CCDC30: variants seen among roughly 807,000 people sequenced by gnomAD.
CCDC30 encodes the protein coiled-coil domain containing 30, also known as coiled-coil domain-containing protein 30.
In CCDC30, 70 loss-of-function variants were observed where a neutral mutation model predicts 100.2. The ratio of observed to expected loss-of-function variants is 0.70; its 90% CI spans 0.58 to 0.85. CCDC30 has a LOEUF of 0.85. CCDC30 is among the 40% of genes least tolerant of loss of function. The pLI, the probability that CCDC30 is intolerant of heterozygous loss-of-function variation, is 0.00. For synonymous variants in CCDC30, 233 were observed against 269.5 expected, an observed-to-expected ratio of 0.86 and a Z score of 1.33; for missense variants, 652 against 771.2, an observed-to-expected ratio of 0.85 and a Z score of 1.83.
chr1:42,525,388 T>C (rs1644708778), intron 6 of CCDC30, among the ~76,000 whole-genome samples: 1 of 152,222 alleles, frequency 6.6e-6, no homozygotes, highest in African/African-American at 2.4e-5. Context: ...CACTCATTTT[T>C]TTTCTGTAGT....
In CCDC30 at chr1:42,493,315, C is replaced by T. The variant is rs186377817; in HGVS notation, c.241+3086C>T. ...GTTAGAATCAACAAAAGTGGCTGAG[C>T]GCAGTGGCTCACGCCTGTAATCCCA... On this transcript the variant is annotated intron_variant, in intron 4 of 16. Coordinates refer to ENST00000668663, the Ensembl canonical transcript of CCDC30. Among the ~76,000 whole-genome samples, 9 of 152,098 alleles carry T rather than the reference C, an allele frequency of 5.9e-5. No individual in the cohort carries two copies. In the East Asian group the frequency reaches 1.4e-3, roughly 23 times the overall value.
intron 6 of CCDC30, among the ~76,000 whole-genome samples, chr1:42,547,726 C>T (rs1645172653): frequency 6.6e-6 from 1 of 152,142 alleles, no homozygotes; most frequent in Admixed American, 6.6e-5. Flanking sequence ...ACTTGTTTAT[C>T]TCCTATTCCC....
At chr1:42,646,094 C>G in intron 14 of CCDC30, 41 bp from the exon 19 acceptor site, 3 of 1,528,442 alleles carry the variant, frequency 2.0e-6, no homozygotes, top group Non-Finnish European at 1.8e-6. Context: ...CATCTTGATA[C>G]CTATTGAAAT....
At chr1:42,612,382 G>A (rs1264190671) in intron 11 of CCDC30, among the ~76,000 whole-genome samples, 1 of 152,166 alleles carries the variant, frequency 6.6e-6, no homozygotes, top group African/African-American at 2.4e-5. Flanking sequence ...TTCACAGCAA[G>A]GGGGCCAGAG....
chr1:42,538,588 A>G (rs1168982774), intron 6 of CCDC30, among the ~76,000 whole-genome samples: 1 of 152,178 alleles, frequency 6.6e-6, no homozygotes, highest in Non-Finnish European at 1.5e-5. Flanking sequence ...CCTGGGCAAC[A>G]TAGCGAGACC....
chr1:42,650,049 C>G (rs1299970002), intron 15 of CCDC30, among the ~76,000 whole-genome samples: 1 of 152,098 alleles, frequency 6.6e-6, no homozygotes, highest in Non-Finnish European at 1.5e-5. Flanking sequence ...AGTGCAATAC[C>G]TATCAAAATT....
chr1:42,630,602 G>T (rs139129328), intron 11 of CCDC30, among the ~76,000 whole-genome samples: 1 of 151,744 alleles, frequency 6.6e-6, no homozygotes, highest in East Asian at 2.0e-4. Context: ...GGCTGTTCTC[G>T]AACTCCTGAC....
intron 6 of CCDC30, among the ~76,000 whole-genome samples, chr1:42,543,768 A>G (rs2148531592): frequency 6.6e-6 from 1 of 152,346 alleles, no homozygotes; most frequent in East Asian, 1.9e-4. Context: ...TCCCCTAGAA[A>G]GGTTATAGTC....
chr1:42,592,314 G>A (rs904817814), intron 10 of CCDC30: 1 of 152,278 alleles, frequency 6.6e-6, no homozygotes, highest in Admixed American at 6.5e-5. Flanking sequence ...GGTTGGGTCT[G>A]AGGGGAGTGT....
chr1:42,456,176 A>G, the CCDC30 span: 1 of 640,780 alleles, frequency 1.6e-6, no homozygotes, highest in East Asian at 2.7e-5. Context: ...GGAAGAAAGA[A>G]AGAAAAAGCA....
intron 6 of CCDC30, among the ~76,000 whole-genome samples, chr1:42,511,990 C>T (rs1318543004): frequency 6.6e-6 from 1 of 152,122 alleles, no homozygotes; most frequent in Admixed American, 6.5e-5. Context: ...TATTTATTGA[C>T]AGTAAGCCAG....
chr1:42,595,822 C>G (rs1646276452), intron 10 of CCDC30, among the ~76,000 whole-genome samples: 1 of 152,152 alleles, frequency 6.6e-6, no homozygotes. Context: ...TGCACCTTGT[C>G]CATGAGCCCT....
At chr1:42,467,050 A>C (rs1643612909) in intron 1 of CCDC30, among the ~76,000 whole-genome samples, 1 of 152,210 alleles carries the variant, frequency 6.6e-6, no homozygotes, top group African/African-American at 2.4e-5. Context: ...AGTGACCTGA[A>C]TGTCAAAATT....
chr1:42,493,968 C>T (rs1348774287), intron 4 of CCDC30, among the ~76,000 whole-genome samples: 1 of 152,166 alleles, frequency 6.6e-6, no homozygotes, highest in Non-Finnish European at 1.5e-5. Context: ...AATCCCAGCA[C>T]TTTGGGAGGC....
intron 6 of CCDC30, among the ~76,000 whole-genome samples, chr1:42,536,099 G>A: frequency 6.6e-6 from 1 of 151,976 alleles, no homozygotes; most frequent in East Asian, 1.9e-4. Context: ...CATAGTCTCT[G>A]ACATGTGGTA....
intron 6 of CCDC30, 95 bp from the exon 8 acceptor site, chr1:42,539,078 G>C: frequency 1.9e-6 from 2 of 1,042,778 alleles, no homozygotes; most frequent in Non-Finnish European, 1.3e-6. Context: ...AAATTTGTCA[G>C]GACCATTTCA....
intron 4 of CCDC30, chr1:42,491,966 T>C: frequency 1.1e-6 from 1 of 897,606 alleles, no homozygotes; most frequent in Non-Finnish European, 1.7e-6. Context: ...ATCTGCAGAA[T>C]GATGAAGTTG....
chr1:42,644,858 G>A, intron 14 of CCDC30, 51 bp downstream of exon 18: 1 of 1,134,514 alleles, frequency 8.8e-7, no homozygotes, highest in South Asian at 1.2e-5. Context: ...AGTTCGGGTT[G>A]CTACGGCTGC....
At chr1:42,540,313 A>G (rs907887706) in intron 6 of CCDC30, among the ~76,000 whole-genome samples, 1 of 152,154 alleles carries the variant, frequency 6.6e-6, no homozygotes, top group Non-Finnish European at 1.5e-5. Flanking sequence ...GAGAGTAGCT[A>G]TGTAGAGCAT....
Sources: allele counts gnomAD v4.1 joint callset (sites outside exome capture counted in the v4.1 genomes callset), GRCh38; gene constraint gnomAD v4.1.1; transcripts MANE v1.5; gene names NCBI Gene and HGNC (gene_info 2026-07-23, HGNC 2026-07-21).